Variants in CTNNA2 observed in about 807,000 individuals in gnomAD.
CTNNA2 encodes the protein catenin alpha 2, also known as catenin alpha-2.
A neutral mutation model predicts 101.0 loss-of-function variants in CTNNA2; 42 were observed. That is an observed-to-expected ratio of 0.42 (90% CI 0.32 to 0.54). CTNNA2 has a LOEUF of 0.54. Ranked by LOEUF, CTNNA2 falls within the 20% of genes least tolerant of loss-of-function variation. The pLI, the probability that CTNNA2 is intolerant of heterozygous loss-of-function variation, is 0.14. For missense variants in CTNNA2, 871 were observed against 1,223.1 expected (o/e 0.71, Z 4.29); for synonymous variants, 450 against 456.4 (o/e 0.99, Z 0.18).
intron 17 of CTNNA2, 55 bp from the exon 18 acceptor site, chr2:80,619,030 T>C: frequency 8.2e-7 from 1 of 1,219,750 alleles, no homozygotes; most frequent in Non-Finnish European, 1.1e-6. Context: ...TACTTTTTTT[T>C]TTTTTCTTTT....
chr2:80,125,291 T>A (rs571286196), intron 7 of CTNNA2, among the ~76,000 whole-genome samples: 1 of 152,204 alleles, frequency 6.6e-6, no homozygotes, highest in East Asian at 1.9e-4. Context: ...CTCAAGTCCA[T>A]TGCTGGCTCC....
At chr2:79,293,056 T>C (rs1017624296) in intron 2 of CTNNA2, 1 of 152,272 alleles carries the variant, frequency 6.6e-6, no homozygotes, top group Non-Finnish European at 1.5e-5. Context: ...TCAACTTTCC[T>C]TTGATTCATC....
chr2:80,274,985 A>G (rs1673780203), intron 7 of CTNNA2, among the ~76,000 whole-genome samples: 1 of 152,250 alleles, frequency 6.6e-6, no homozygotes, highest in African/African-American at 2.4e-5. Flanking sequence ...ACCATCAATT[A>G]TAGCATATAG....
chr2:79,845,670 G>A (rs888352356), intron 3 of CTNNA2, among the ~76,000 whole-genome samples: 8 of 152,182 alleles, frequency 5.3e-5, no homozygotes, highest in Non-Finnish European at 8.8e-5. Flanking sequence ...CTAGTGACAA[G>A]CTATTGATCA....
intron 7 of CTNNA2, among the ~76,000 whole-genome samples, chr2:80,237,988 CT>C (rs1472575996): frequency 2.0e-5 from 3 of 151,994 alleles, no homozygotes; most frequent in African/African-American, 7.3e-5. Flanking sequence ...CTTGCTCCCC[CT>C]AGCCACTCCC....
intron 4 of CTNNA2, among the ~76,000 whole-genome samples, chr2:79,497,262 C>G (rs147825932): frequency 2.0e-5 from 3 of 152,158 alleles, no homozygotes; most frequent in Admixed American, 2.0e-4. Flanking sequence ...TTCCCCAGCA[C>G]GGCCCTGGGT....
chr2:79,782,645 T>C (rs543188895), intron 3 of CTNNA2, among the ~76,000 whole-genome samples: 43 of 152,342 alleles, frequency 2.8e-4, no homozygotes, highest in Middle Eastern at 3.4e-3. Context: ...GTAGTGATAC[T>C]GGTTGTCTTC....
chr2:79,949,275 G>A (rs548578707), intron 7 of CTNNA2, among the ~76,000 whole-genome samples: 1 of 152,146 alleles, frequency 6.6e-6, no homozygotes, highest in Admixed American at 6.6e-5. Context: ...AAGGAATAAC[G>A]TGCGTGGGAT....
chr2:80,298,961 G>A (rs1676001407), intron 7 of CTNNA2: 1 of 152,060 alleles, frequency 6.6e-6, no homozygotes, highest in East Asian at 1.9e-4. Flanking sequence ...AAACTACTAG[G>A]GCTAAGACTG....
At chr2:80,547,121 C>T (rs1692146222) in intron 11 of CTNNA2, among the ~76,000 whole-genome samples, 1 of 152,178 alleles carries the variant, frequency 6.6e-6, no homozygotes, top group Non-Finnish European at 1.5e-5. Context: ...TTTCTAGTTG[C>T]AGTCTTTTCT....
At chr2:79,310,244 G>C (rs57116810) in intron 2 of CTNNA2, among the ~76,000 whole-genome samples, 13,053 of 152,166 alleles carry the variant, frequency 0.086, 612 homozygotes, top group African/African-American at 0.1. Context: ...TTATGCTTAA[G>C]AGCAATGGTG....
At chr2:79,588,556 AAATT>A (rs1435552359) in intron 1 of CTNNA2, among the ~76,000 whole-genome samples, 1 of 152,172 alleles carries the variant, frequency 6.6e-6, no homozygotes, top group Non-Finnish European at 1.5e-5. Context: ...TCCATTCCAG[AAATT>A]AATTAAACCA....
Position 80,411,547 on chromosome 2 carries a change from T to C in CTNNA2, c.1138-7902T>C, listed in dbSNP as rs7595899. On this transcript the variant is annotated intron_variant, in intron 8 of 18. Transcript: ENST00000402739. ...TTCAGAATCCCTTGTATATATACTTTACTCGTTCAGGAATCACATTTGTTC... is the reference window on the plus strand; with the variant it reads ...TTCAGAATCCCTTGTATATATACTTCACTCGTTCAGGAATCACATTTGTTC... Among the ~76,000 whole-genome samples the C allele has an allele frequency of 4.0e-3, 608 of 152,322 alleles. 6 individuals are homozygous for C. Among genetic ancestry groups the C allele is most frequent in the African/African-American group, 0.013 (551 of 41,572 alleles).
At chr2:80,078,816 A>G (rs766967616) in intron 7 of CTNNA2, among the ~76,000 whole-genome samples, 47 of 152,114 alleles carry the variant, frequency 3.1e-4, no homozygotes, top group Non-Finnish European at 5.9e-4. Flanking sequence ...TGTTTTGTGA[A>G]GCATATCTTA....
At chr2:79,965,987 T>A in intron 7 of CTNNA2, among the ~76,000 whole-genome samples, 1 of 151,990 alleles carries the variant, frequency 6.6e-6, no homozygotes, top group South Asian at 2.1e-4. Flanking sequence ...GGGGAATACA[T>A]ACGTATATTT....
chr2:79,657,515 T>G (rs1681698742), intron 2 of CTNNA2, among the ~76,000 whole-genome samples: 1 of 151,906 alleles, frequency 6.6e-6, no homozygotes, highest in Admixed American at 6.6e-5. Context: ...GCGCTGATAT[T>G]CCAGTGTTCT....
At chr2:80,531,442 A>T (rs1358523959) in intron 9 of CTNNA2, among the ~76,000 whole-genome samples, 2 of 152,222 alleles carry the variant, frequency 1.3e-5, no homozygotes, top group South Asian at 2.1e-4. Context: ...AGGCTGCACA[A>T]TTGGCCTCTT....
At chr2:79,927,801 T>C (rs1205820175) in intron 7 of CTNNA2, among the ~76,000 whole-genome samples, 1 of 152,178 alleles carries the variant, frequency 6.6e-6, no homozygotes, top group Non-Finnish European at 1.5e-5. Flanking sequence ...ATCATTATGC[T>C]ATCAAAACTC....
intron 7 of CTNNA2, among the ~76,000 whole-genome samples, chr2:80,173,681 G>C (rs1254128145): frequency 1.3e-5 from 2 of 152,142 alleles, no homozygotes; most frequent in Non-Finnish European, 2.9e-5. Flanking sequence ...CACAATGCTG[G>C]TGAGGGGGAT....
Sources: allele counts gnomAD v4.1 joint callset (sites outside exome capture counted in the v4.1 genomes callset), GRCh38; gene constraint gnomAD v4.1.1; transcripts MANE v1.5; gene names NCBI Gene and HGNC (gene_info 2026-07-23, HGNC 2026-07-21).